Variants in PCGF3 observed in about 807,000 individuals in gnomAD.
PCGF3 encodes the protein polycomb group ring finger 3, also known as polycomb group RING finger protein 3.
PCGF3 carries 7 observed loss-of-function variants against 33.1 expected under a neutral mutation model. The ratio of observed to expected loss-of-function variants is 0.21; its 90% CI spans 0.12 to 0.40. The LOEUF (loss-of-function observed/expected upper bound fraction) is 0.40, where lower values mean the gene tolerates loss of function less well. PCGF3 is among the 10% of genes least tolerant of loss of function. The probability of loss-of-function intolerance (pLI) is 1.00; values close to 1 mark genes in which losing one functional copy is unlikely to be tolerated. For missense variants in PCGF3, 211 were observed against 313.3 expected, an observed-to-expected ratio of 0.67 and a Z score of 2.46; for synonymous variants, 153 against 121.3, an observed-to-expected ratio of 1.26 and a Z score of -1.72.
intron 1 of PCGF3, among the ~76,000 whole-genome samples, chr4:727,236 T>TTTTTG (rs1743369425): frequency 7.9e-6 from 1 of 127,344 alleles, no homozygotes; most frequent in Non-Finnish European, 1.7e-5. Flanking sequence ...CGAGCGTCTT[T>TTTTTG]TTTTTTTTTT....
chr4:754,023 G>A lies in PCGF3; in HGVS notation c.463-7256G>A, dbSNP rs576710823. Reference sequence around the variant, plus strand: ...CTGGGTCCTGGCAGGAGTCGCCTCCGTCTTTGGTGGTCCTGGCACCCACAG... The same window carrying A: ...CTGGGTCCTGGCAGGAGTCGCCTCCATCTTTGGTGGTCCTGGCACCCACAG... On this transcript the variant is annotated intron_variant, in intron 8 of 10. Coordinates refer to ENST00000362003, the Ensembl canonical transcript of PCGF3. 1.1e-4 allele frequency among the ~76,000 whole-genome samples: 17 copies of A among 152,292 alleles called. No homozygotes were observed. In the South Asian group the frequency reaches 1.5e-3, roughly 13 times the overall value.
rs1256096249 is a variant in PCGF3, at chr4:720,708, C to T, written c.-189-9922C>T. On this transcript the variant is annotated intron_variant, in intron 1 of 10. Coordinates refer to ENST00000362003, the Ensembl canonical transcript of PCGF3. This position sits in a 1 kb window ranked among gnomAD's most constrained non-coding sequence, Gnocchi z 5.6. ...ACGGGCGGTGACGTGCGTGTGGACC[C>T]GGCGTGGACGGGCGGTGACGTGCGT... 6.7e-6 allele frequency among the ~76,000 whole-genome samples: 1 copy of T among 149,936 alleles called. No individual in the cohort carries two copies. The highest frequency in any genetic ancestry group is 1.5e-5 in the Non-Finnish European group (1 of 67,518).
intron 1 of PCGF3, among the ~76,000 whole-genome samples, chr4:716,155 G>A (rs1354139801): frequency 4.9e-5 from 5 of 101,816 alleles, no homozygotes; most frequent in African/African-American, 1.6e-4. Flanking sequence ...TGTAGACACT[G>A]AGTGTGAGAA....
chr4:752,000 A>G (rs1744535952), intron 8 of PCGF3, among the ~76,000 whole-genome samples: 1 of 152,262 alleles, frequency 6.6e-6, no homozygotes, highest in African/African-American at 2.4e-5. Flanking sequence ...ATCGCTGAGC[A>G]ACGCAAAAGC....
At chr4:756,433 G>A (rs903172436) in intron 8 of PCGF3, among the ~76,000 whole-genome samples, 3 of 151,392 alleles carry the variant, frequency 2.0e-5, no homozygotes, top group Non-Finnish European at 4.4e-5. Context: ...GTCTGGCCTC[G>A]AACTCCTGAC....
chr4:725,264 G>A (rs1743276340), intron 1 of PCGF3: 1 of 153,010 alleles, frequency 6.5e-6, no homozygotes, highest in South Asian at 2.0e-4. Flanking sequence ...CGCTGTGAGG[G>A]GTGTACATGT....
exon 11 of PCGF3, chr4:768,255 GCAGA>G (rs940128830): frequency 4.6e-5 from 7 of 152,664 alleles, no homozygotes; most frequent in African/African-American, 1.4e-4. Flanking sequence ...AGTTCATCGT[GCAGA>G]CAGTCTTCAC....
chr4:766,211 TGAGA>T lies in PCGF3; in HGVS notation c.*137_*140del, dbSNP rs534510831. 4.3e-3 allele frequency: 2,933 copies of T among 683,136 alleles called. 6 individuals are homozygous for T. Among genetic ancestry groups the T allele is most frequent in the Non-Finnish European group, 6.1e-3 (2,412 of 398,622 alleles). 42.3% of individuals were successfully genotyped at this position (683,136 alleles called of 1,614,324 possible). On this transcript the variant is annotated 3_prime_UTR_variant, in exon 11 of 11. Coordinates refer to ENST00000362003, the Ensembl canonical transcript of PCGF3. Reference sequence around the variant, plus strand: ...ATAGAGAATATTTATAACTTTTGTATGAGAGAGAATTCACACTCAACAAGACACT... The same window carrying T: ...ATAGAGAATATTTATAACTTTTGTATGAGAATTCACACTCAACAAGACACT...
chr4:756,644 T>C (rs1472437032), intron 8 of PCGF3, among the ~76,000 whole-genome samples: 2 of 152,202 alleles, frequency 1.3e-5, no homozygotes, highest in Admixed American at 6.5e-5. Flanking sequence ...ACATAAAATA[T>C]GCCATTTTAA....
intron 8 of PCGF3, among the ~76,000 whole-genome samples, chr4:751,043 G>A (rs1744488966): frequency 6.9e-6 from 1 of 145,570 alleles, no homozygotes; most frequent in South Asian, 2.2e-4. Context: ...TCTTTGTTGT[G>A]AGAATACATT....
chr4:748,792 G>C (rs1744384561), intron 8 of PCGF3, among the ~76,000 whole-genome samples: 1 of 151,938 alleles, frequency 6.6e-6, no homozygotes, highest in Admixed American at 6.6e-5. Context: ...TCTGGTGTTG[G>C]TCTCGTCTGC....
At chr4:718,870 C>A (rs960762053) in intron 1 of PCGF3, among the ~76,000 whole-genome samples, 13 of 152,210 alleles carry the variant, frequency 8.5e-5, no homozygotes, top group Non-Finnish European at 1.5e-4. Context: ...TGCTTACTGT[C>A]TTTCGAGTCA....
intron 1 of PCGF3, chr4:722,449 G>C (rs1743123349): frequency 3.7e-6 from 1 of 270,284 alleles, no homozygotes; most frequent in Non-Finnish European, 7.2e-6. Flanking sequence ...TGGGTGGAGA[G>C]GAAGGCATAT....
At chr4:760,331 T>G (rs1008671902) in intron 8 of PCGF3, among the ~76,000 whole-genome samples, 1 of 152,020 alleles carries the variant, frequency 6.6e-6, no homozygotes, top group African/African-American at 2.4e-5. Flanking sequence ...TTGTTTGAAT[T>G]GGTGTGTTTA....
chr4:757,075 T>G (rs1033973208), intron 8 of PCGF3: 1 of 152,266 alleles, frequency 6.6e-6, no homozygotes. Context: ...CTGTCTGTAG[T>G]GACCTATAGA....
chr4:706,486 GCCAAGAC>G, intron 1 of PCGF3, among the ~76,000 whole-genome samples: 1 of 135,438 alleles, frequency 7.4e-6, no homozygotes, highest in Admixed American at 7.3e-5. Context: ...AACAGGGAGG[GCCAAGAC>G]CCCAGACCAG....
intron 1 of PCGF3, among the ~76,000 whole-genome samples, chr4:715,324 G>T (rs1254482566): frequency 6.4e-5 from 9 of 141,330 alleles, no homozygotes; most frequent in African/African-American, 1.1e-4. Context: ...TGTAGACACT[G>T]AGTGTGAGAA....
rs183701765 is a variant in PCGF3, at chr4:758,560, C to A, written c.463-2719C>A. On this transcript the variant is annotated intron_variant, in intron 8 of 10. Coordinates refer to ENST00000362003, the Ensembl canonical transcript of PCGF3. ...CTCTCCCGAGTTCTCCCTCCAGACT[C>A]CGGGTCTTTCCCCGCACGGCCCCTC... Among the ~76,000 whole-genome samples, 348 of 122,746 alleles carry A rather than the reference C, an allele frequency of 2.8e-3. 12 individuals are homozygous for A. The highest frequency in any genetic ancestry group is 0.011 in the African/African-American group (338 of 30,128). The allele number at this position is 122,746 out of a possible 152,430, so 80.5% of individuals were successfully genotyped here. A position where few individuals can be genotyped will look rare whatever the true frequency, so the allele number is the denominator to read the frequency against.
At chr4:730,855 C>A (rs1743525645) in intron 2 of PCGF3, 115 bp from the exon 3 acceptor site, 2 of 396,010 alleles carry the variant, frequency 5.1e-6, no homozygotes, top group Non-Finnish European at 8.9e-6. Context: ...TGATTGACCC[C>A]ATTCCGCCCT....
Sources: gnomAD v4.1 joint callset for allele counts (sites outside exome capture counted in the v4.1 genomes callset) on GRCh38, gnomAD v4.1.1 for gene constraint, Gnocchi (gnomAD v3.1) non-coding constraint, MANE v1.5 for transcripts, NCBI Gene and HGNC (gene_info 2026-07-23, HGNC 2026-07-21) for gene names.